Variants in QTGAL observed in about 807,000 individuals in gnomAD.
The protein encoded by QTGAL is queuosine-tRNA galactosyltransferase.
the QTGAL span, among the ~76,000 whole-genome samples, chr17:83,051,564 G>T: frequency 6.6e-6 from 1 of 152,204 alleles, no homozygotes; most frequent in African/African-American, 2.4e-5. Context: ...CCCCGCACGC[G>T]CAGCCGCGCT....
the QTGAL span, chr17:83,005,012 C>T: frequency 0.28 from 258,166 of 910,308 alleles, 37,318 homozygotes; most frequent in Non-Finnish European, 0.3. This position sits in a 1 kb window ranked among gnomAD's most constrained non-coding sequence, Gnocchi z 5.6. Flanking sequence ...AGAAGGACCA[C>T]GGCCCACGAC....
chr17:82,975,907 C>T, the QTGAL span, among the ~76,000 whole-genome samples: 204 of 34,656 alleles, frequency 5.9e-3, no homozygotes, highest in Middle Eastern at 0.023. Flanking sequence ...ACGAGGGCCC[C>T]GGGACAGAGC....
chr17:82,992,348 G>C, the QTGAL span, among the ~76,000 whole-genome samples: 2 of 152,210 alleles, frequency 1.3e-5, no homozygotes, highest in Non-Finnish European at 2.9e-5. Flanking sequence ...AATATGTCTG[G>C]CAGCAGACTT....
the QTGAL span, among the ~76,000 whole-genome samples, chr17:83,009,824 AG>A: frequency 5.3e-5 from 8 of 152,048 alleles, no homozygotes; most frequent in Non-Finnish European, 5.9e-5. Flanking sequence ...AGACTCAAGA[AG>A]TCAGCTTCTG....
the QTGAL span, chr17:83,035,182 C>CTTT: frequency 5.4e-5 from 51 of 938,446 alleles, no homozygotes; most frequent in South Asian, 1.2e-4. Context: ...ATATGATATT[C>CTTT]TTTTTTTTTT....
the QTGAL span, among the ~76,000 whole-genome samples, chr17:82,965,270 G>A: frequency 6.6e-6 from 1 of 152,024 alleles, no homozygotes; most frequent in South Asian, 2.1e-4. Flanking sequence ...GACGCCTGCA[G>A]GTGCACCCCC....
At chr17:83,032,335 C>T in the QTGAL span, among the ~76,000 whole-genome samples, 2 of 133,548 alleles carry the variant, frequency 1.5e-5, no homozygotes, top group African/African-American at 3.0e-5. Context: ...AGACCGAACT[C>T]GGGAGCTGAA....
the QTGAL span, among the ~76,000 whole-genome samples, chr17:82,970,029 G>A: frequency 6.6e-6 from 1 of 152,092 alleles, no homozygotes; most frequent in Admixed American, 6.5e-5. Flanking sequence ...CTCTCAGAAC[G>A]AACATTTTAA....
chr17:83,018,408 C>G, the QTGAL span, among the ~76,000 whole-genome samples: 1 of 152,214 alleles, frequency 6.6e-6, no homozygotes, highest in African/African-American at 2.4e-5. Context: ...ATTTGTAAAA[C>G]AAATGAATAG....
the QTGAL span, among the ~76,000 whole-genome samples, chr17:83,018,583 C>T: frequency 2.0e-5 from 3 of 152,186 alleles, no homozygotes; most frequent in Admixed American, 6.5e-5. Context: ...CCCAAAGTCT[C>T]GTAGCAATTA....
chr17:82,949,664 G>C, the QTGAL span: 1 of 151,988 alleles, frequency 6.6e-6, no homozygotes, highest in East Asian at 1.9e-4. Context: ...TCGGCGTCAG[G>C]GAGACAGAAA....
At chr17:83,006,637 T>C in the QTGAL span, 6 of 985,478 alleles carry the variant, frequency 6.1e-6, no homozygotes, top group Non-Finnish European at 7.2e-6. This position sits in a 1 kb window ranked among gnomAD's most constrained non-coding sequence, Gnocchi z 5.8. Flanking sequence ...GTGGCTGTGC[T>C]ATCCCGACGC....
At chr17:83,032,443 G>C in the QTGAL span, among the ~76,000 whole-genome samples, 90 of 115,998 alleles carry the variant, frequency 7.8e-4, 7 homozygotes, top group African/African-American at 1.9e-3. Context: ...GACCGAACTC[G>C]GGAGCTGAAC....
the QTGAL span, among the ~76,000 whole-genome samples, chr17:83,014,992 A>C: frequency 6.6e-5 from 10 of 152,324 alleles, no homozygotes; most frequent in African/African-American, 2.4e-4. Flanking sequence ...ACCTGTTACC[A>C]CTGTGGAGGG....
the QTGAL span, among the ~76,000 whole-genome samples, chr17:82,959,295 C>T: frequency 6.6e-6 from 1 of 151,836 alleles, no homozygotes; most frequent in Non-Finnish European, 1.5e-5. Flanking sequence ...AGTATGAGTA[C>T]ATGTATGCAG....
the QTGAL span, among the ~76,000 whole-genome samples, chr17:83,027,698 TC>T: frequency 3.6e-5 from 1 of 28,052 alleles, no homozygotes; most frequent in African/African-American, 1.9e-4. Flanking sequence ...TGAGACGCTC[TC>T]AAAAAAAAAA....
the QTGAL span, among the ~76,000 whole-genome samples, chr17:83,015,742 C>T: frequency 1.3e-5 from 2 of 152,186 alleles, no homozygotes; most frequent in Non-Finnish European, 2.9e-5. The surrounding 1 kb of genome is among the most constrained non-coding windows in gnomAD (Gnocchi z 4.4). Flanking sequence ...TGCATTAGAC[C>T]CTCACAGGAG....
At chr17:83,043,381 T>C in the QTGAL span, among the ~76,000 whole-genome samples, 1 of 152,110 alleles carries the variant, frequency 6.6e-6, no homozygotes, top group South Asian at 2.1e-4. Context: ...ACTGAAAAAT[T>C]CATAAATAAA....
At chr17:82,958,199 C>T in the QTGAL span, among the ~76,000 whole-genome samples, 7 of 152,220 alleles carry the variant, frequency 4.6e-5, no homozygotes, top group Non-Finnish European at 5.9e-5. Flanking sequence ...AGGAGCTGGA[C>T]GGGCCAGAAG....
Sources: gnomAD v4.1 joint callset for allele counts (sites outside exome capture counted in the v4.1 genomes callset) on GRCh38, gnomAD v4.1.1 for gene constraint, Gnocchi (gnomAD v3.1) non-coding constraint, MANE v1.5 for transcripts, NCBI Gene and HGNC (gene_info 2026-07-23, HGNC 2026-07-21) for gene names.